FARS2: variants seen among roughly 807,000 people sequenced by gnomAD.
FARS2 encodes phenylalanyl-tRNA synthetase 2, mitochondrial, also known as phenylalanine--tRNA ligase, mitochondrial.
In FARS2, 40 loss-of-function variants were observed where a neutral mutation model predicts 46.4. That is an observed-to-expected ratio of 0.86 (90% CI 0.67 to 1.12). The LOEUF (loss-of-function observed/expected upper bound fraction) is 1.12, where lower values mean the gene tolerates loss of function less well. Ranked by LOEUF, FARS2 falls within the 50% of genes most tolerant of loss-of-function variation. The pLI, the probability that FARS2 is intolerant of heterozygous loss-of-function variation, is 0.00. For missense variants in FARS2, 513 were observed against 567.9 expected (o/e 0.90, Z 0.98); for synonymous variants, 234 against 214.9 (o/e 1.09, Z -0.78).
intron 4 of FARS2, among the ~76,000 whole-genome samples, chr6:5,462,878 T>A (rs1765319983): frequency 6.6e-6 from 1 of 152,234 alleles, no homozygotes; most frequent in Non-Finnish European, 1.5e-5. Context: ...AATCTTTAGA[T>A]CATTTAGAGA....
intron 2 of FARS2, among the ~76,000 whole-genome samples, chr6:5,380,142 G>A (rs144550960): frequency 3.9e-5 from 6 of 152,242 alleles, no homozygotes; most frequent in African/African-American, 9.6e-5. Flanking sequence ...CTAGTTATTC[G>A]ATCTTAGTAG....
At chr6:5,301,851 A>G (rs1231009318) in intron 1 of FARS2, among the ~76,000 whole-genome samples, 2 of 151,236 alleles carry the variant, frequency 1.3e-5, no homozygotes, top group South Asian at 2.1e-4. Context: ...ACACACAAAG[A>G]AAATGGGGCT....
At chr6:5,634,891 G>A (rs1362183961) in intron 6 of FARS2, among the ~76,000 whole-genome samples, 1 of 152,212 alleles carries the variant, frequency 6.6e-6, no homozygotes, top group African/African-American at 2.4e-5. Flanking sequence ...CTGGAGTTCA[G>A]TTGTCTTGCA....
chr6:5,406,995 C>T (rs1289708830), intron 3 of FARS2, among the ~76,000 whole-genome samples: 1 of 134,514 alleles, frequency 7.4e-6, no homozygotes, highest in African/African-American at 2.8e-5. Flanking sequence ...TATAAACAAA[C>T]AGAAATTGCA....
chr6:5,354,660 C>T (rs966816307), intron 1 of FARS2, among the ~76,000 whole-genome samples: 3 of 151,984 alleles, frequency 2.0e-5, no homozygotes, highest in Non-Finnish European at 4.4e-5. Flanking sequence ...ACTACAGGCG[C>T]CCGCCACCAC....
At chr6:5,445,648 A>G (rs1186964837) in intron 4 of FARS2, among the ~76,000 whole-genome samples, 1 of 152,340 alleles carries the variant, frequency 6.6e-6, no homozygotes, top group Non-Finnish European at 1.5e-5. Context: ...ATGGTCTGAA[A>G]AAGTTTGAGT....
Position 5,450,516 on chromosome 6 carries a change from C to T in FARS2, c.904+19344C>T, listed in dbSNP as rs751762166. On this transcript the variant is annotated intron_variant, in intron 4 of 6. Coordinates refer to ENST00000274680, the MANE Select transcript of FARS2 (RefSeq NM_006567.5). ...GCGGTGGCCATCGGTGAAGTGTGGC[C>T]GGGTTCCAATAACTCCTTATTTACG... Among the ~76,000 whole-genome samples the T allele has an allele frequency of 4.1e-5, 6 of 146,850 alleles. No individual in the cohort carries two copies. The South Asian group carries it at 8.8e-4, about 22-fold the overall frequency.
intron 6 of FARS2, among the ~76,000 whole-genome samples, chr6:5,646,486 T>C (rs1458871319): frequency 1.3e-5 from 2 of 152,078 alleles, no homozygotes; most frequent in Non-Finnish European, 2.9e-5. Context: ...TGGCCTTGGA[T>C]TTCACGGCTC....
intron 4 of FARS2, among the ~76,000 whole-genome samples, chr6:5,434,449 C>T (rs571602448): frequency 6.6e-4 from 101 of 152,262 alleles, no homozygotes; most frequent in African/African-American, 2.3e-3. Context: ...GAGAAGGAAA[C>T]TAAGGAAATG....
intron 2 of FARS2, among the ~76,000 whole-genome samples, chr6:5,378,427 C>G (rs575676050): frequency 1.8e-4 from 27 of 152,302 alleles, no homozygotes; most frequent in African/African-American, 6.5e-4. Context: ...ATTAGAAAAT[C>G]TCACTTTTGC....
At chr6:5,653,517 T>G (rs1294257721) in intron 6 of FARS2, among the ~76,000 whole-genome samples, 1 of 152,200 alleles carries the variant, frequency 6.6e-6, no homozygotes, top group Non-Finnish European at 1.5e-5. Flanking sequence ...TTGCATTTTA[T>G]TTTGAAAAGG....
intron 5 of FARS2, among the ~76,000 whole-genome samples, chr6:5,581,396 C>G (rs1379138325): frequency 6.6e-6 from 1 of 152,182 alleles, no homozygotes; most frequent in Non-Finnish European, 1.5e-5. Context: ...TTATATTTTG[C>G]TTTTACATAA....
intron 5 of FARS2, among the ~76,000 whole-genome samples, chr6:5,591,373 G>A (rs147654868): frequency 6.6e-6 from 1 of 152,182 alleles, no homozygotes; most frequent in Admixed American, 6.5e-5. Context: ...GAAATCTTAC[G>A]TCCCCTCCGC....
intron 6 of FARS2, among the ~76,000 whole-genome samples, chr6:5,641,417 C>T (rs765219316): frequency 3.9e-5 from 6 of 152,146 alleles, no homozygotes; most frequent in South Asian, 2.1e-4. Flanking sequence ...CTGCCTCAGC[C>T]GCCCATGTAG....
At chr6:5,434,481 A>C (rs1481844788) in intron 4 of FARS2, among the ~76,000 whole-genome samples, 3 of 152,182 alleles carry the variant, frequency 2.0e-5, no homozygotes, top group Non-Finnish European at 4.4e-5. Context: ...AATTTTATAG[A>C]ACGGATTCTG....
At chr6:5,761,338 C>T (rs1046518023) in intron 6 of FARS2, among the ~76,000 whole-genome samples, 1 of 152,226 alleles carries the variant, frequency 6.6e-6, no homozygotes, top group Non-Finnish European at 1.5e-5. Flanking sequence ...CTTCCCCTCA[C>T]ACTACCACTG....
chr6:5,256,425 G>A (rs1028236800), upstream of FARS2, among the ~76,000 whole-genome samples: 2 of 139,072 alleles, frequency 1.4e-5, no homozygotes, highest in African/African-American at 5.6e-5. Flanking sequence ...GGGAGGTGGA[G>A]GTTGCAGTGA....
Position 5,425,825 on chromosome 6 carries a change from G to A in FARS2, c.773-5216G>A, listed in dbSNP as rs145428040. 2.2e-3 allele frequency among the ~76,000 whole-genome samples: 337 copies of A among 152,314 alleles called. 1 individual carries two copies. The highest frequency in any genetic ancestry group is 7.1e-3 in the African/African-American group (294 of 41,560). On this transcript the variant is annotated intron_variant, in intron 3 of 6. Coordinates refer to ENST00000274680, the MANE Select transcript of FARS2 (RefSeq NM_006567.5). ...TTATTCAGAGGAGAAATTTGAGTCA[G>A]TGTCCAGATCTCCAAAGAGGATTGC...
At chr6:5,607,428 G>T (rs1216139653) in intron 5 of FARS2, among the ~76,000 whole-genome samples, 1 of 151,834 alleles carries the variant, frequency 6.6e-6, no homozygotes, top group African/African-American at 2.4e-5. Context: ...CAGAAAAGGA[G>T]AAAATTTATG....
Sources: allele counts gnomAD v4.1 joint callset (sites outside exome capture counted in the v4.1 genomes callset), GRCh38; gene constraint gnomAD v4.1.1; transcripts MANE v1.5; gene names NCBI Gene and HGNC (gene_info 2026-07-23, HGNC 2026-07-21).